Variants in CACNA1B observed in about 807,000 individuals in gnomAD.
CACNA1B encodes the protein calcium voltage-gated channel subunit alpha1 B.
A neutral mutation model predicts 247.2 loss-of-function variants in CACNA1B; 70 were observed. The observed-to-expected ratio is 0.28, with a 90% confidence interval of 0.23 to 0.35. The LOEUF (loss-of-function observed/expected upper bound fraction) is 0.35. Among genes scored for constraint, CACNA1B ranks in the 10% least tolerant of loss-of-function variants. The pLI, the probability that CACNA1B is intolerant of heterozygous loss-of-function variation, is 1.00. For missense variants in CACNA1B, 2,367 were observed against 3,197.4 expected, an observed-to-expected ratio of 0.74 and a Z score of 6.26; for synonymous variants, 1,231 against 1,294.4, an observed-to-expected ratio of 0.95 and a Z score of 1.05.
intron 20 of CACNA1B, among the ~76,000 whole-genome samples, chr9:138,043,386 G>T (rs1959151576): frequency 6.6e-6 from 1 of 152,176 alleles, no homozygotes; most frequent in South Asian, 2.1e-4. Flanking sequence ...ATCGGGGGCT[G>T]GCCCCTGCTC....
intron 3 of CACNA1B, among the ~76,000 whole-genome samples, chr9:137,885,359 G>T (rs1956995933): frequency 6.6e-6 from 1 of 152,228 alleles, no homozygotes; most frequent in Non-Finnish European, 1.5e-5. Flanking sequence ...CTGCTGTGCG[G>T]CGAGTGCTGG....
intron 6 of CACNA1B, among the ~76,000 whole-genome samples, chr9:137,921,912 C>A (rs575921411): frequency 7.0e-6 from 1 of 142,032 alleles, no homozygotes; most frequent in African/African-American, 2.7e-5. Context: ...CAGAGTAAAG[C>A]GTTCGGAGAA....
rs909764633 is a variant in CACNA1B at position 138,060,403 on chromosome 9, G to C, written c.4668+666G>C. Among the ~76,000 whole-genome samples the C allele has an allele frequency of 7.2e-5, 11 of 152,314 alleles. No individual in the cohort carries two copies. In the East Asian group the frequency reaches 1.7e-3, roughly 24 times the overall value. ...TAAGTTATGTTCCCAGTAGAAACCAGCAGAGGGGCATGGGGAAATGGGTGG... is the reference window on the plus strand; with the variant it reads ...TAAGTTATGTTCCCAGTAGAAACCACCAGAGGGGCATGGGGAAATGGGTGG... On this transcript the variant is annotated intron_variant, in intron 31 of 46. Transcript: ENST00000371372.
At chr9:138,071,799 C>T (rs1960142931) in intron 32 of CACNA1B, among the ~76,000 whole-genome samples, 1 of 152,082 alleles carries the variant, frequency 6.6e-6, no homozygotes. Flanking sequence ...TTGTCTGTGC[C>T]ACTGCCTGAC....
chr9:137,945,964 G>A lies in CACNA1B; in HGVS notation c.967-6310G>A, dbSNP rs530164287. ...CTCCCAAGTAACTGGGACAACAGGC[G>A]TGCATCACTGTGCCTGGCTAATTTT... On this transcript the variant is annotated intron_variant, in intron 6 of 46. Transcript: ENST00000371372. Among the ~76,000 whole-genome samples the A allele has an allele frequency of 1.7e-4, 26 of 152,168 alleles. No homozygotes were observed. The East Asian group carries it at 1.9e-3, about 11-fold the overall frequency.
chr9:137,888,005 T>G lies in CACNA1B; in HGVS notation c.530+5122T>G, dbSNP rs539997407. On this transcript the variant is annotated intron_variant, in intron 3 of 46. Coordinates refer to ENST00000371372, the MANE Select transcript of CACNA1B (RefSeq NM_000718.4). The surrounding 1 kb of genome is among the most constrained non-coding windows in gnomAD (Gnocchi z 4.7). ...TCCAGCAGGGGAGAGGCTGGGAGGG[T>G]GGCGGGGGCAGGGGGGCCTTGGCTC... Among the ~76,000 whole-genome samples, 3 of 145,856 alleles carry G rather than the reference T, an allele frequency of 2.1e-5. No individual in the cohort carries two copies. The highest frequency in any genetic ancestry group is 5.1e-5 in the African/African-American group (2 of 39,284).
chr9:138,040,885 T>A (rs1026970737), intron 20 of CACNA1B, among the ~76,000 whole-genome samples: 1 of 152,138 alleles, frequency 6.6e-6, no homozygotes, highest in African/African-American at 2.4e-5. Context: ...AAACATCACA[T>A]CCTCCTTTTC....
At chr9:138,000,330 C>A (rs1035791653) in intron 15 of CACNA1B, among the ~76,000 whole-genome samples, 2 of 152,006 alleles carry the variant, frequency 1.3e-5, no homozygotes, top group African/African-American at 4.8e-5. Flanking sequence ...GATCTCCTGA[C>A]CTCGTGATCA....
intron 21 of CACNA1B, 82 bp from the exon 22 acceptor site, chr9:138,046,822 G>A (rs1013932080): frequency 2.1e-5 from 29 of 1,372,588 alleles, no homozygotes; most frequent in Middle Eastern, 3.9e-4. Flanking sequence ...CCCTTTCTGC[G>A]GGACGGGCTG....
Position 138,121,182 on chromosome 9 carries a change from CCTGA to C in CACNA1B, c.6490-283_6490-280del, listed in dbSNP as rs1962082262. On this transcript the variant is annotated intron_variant, in intron 46 of 46. Coordinates refer to ENST00000371372, the MANE Select transcript of CACNA1B (RefSeq NM_000718.4). The surrounding 1 kb of genome is among the most constrained non-coding windows in gnomAD (Gnocchi z 6.8). ...TCTCTCGGTCACTTAACTCTCCTTC[CCTGA>C]CTGTGGTCGTTGGGCTTTTGTTCTG... Among the ~76,000 whole-genome samples, 1 of 152,164 alleles carries C rather than the reference CCTGA, an allele frequency of 6.6e-6. No homozygotes were observed. The highest frequency in any genetic ancestry group is 1.9e-4 in the East Asian group (1 of 5,168).
chr9:138,021,987 C>G (rs1411858618), intron 18 of CACNA1B, among the ~76,000 whole-genome samples: 1 of 152,206 alleles, frequency 6.6e-6, no homozygotes, highest in Admixed American at 6.5e-5. Context: ...AGACCTTATC[C>G]AAAGGTGGTC....
At chr9:137,883,674 GGGA>G (rs1373710996) in intron 3 of CACNA1B, among the ~76,000 whole-genome samples, 2 of 151,862 alleles carry the variant, frequency 1.3e-5, no homozygotes, top group Non-Finnish European at 2.9e-5. Context: ...GTGGTGGCTG[GGGA>G]GTGAGTGCTT....
Position 138,023,042 on chromosome 9 carries a change from G to A in CACNA1B, c.2299G>A (p.Val767Met). Residue 767 changes from valine to methionine, a missense_variant, in exon 19 of 47, where the codon GTG becomes ATG. Physicochemically the swap from Val to Met is conservative, Grantham distance 21. This residue lies in a region of CACNA1B where 631 missense variants were observed against 631.1 expected (regional missense o/e 1.00). Coordinates refer to ENST00000371372, the MANE Select transcript of CACNA1B (RefSeq NM_000718.4). ...GCAGAACTCGGCCAAGGCGCGCTCGGTGTGGGAGCAGCGGGCCAGCCAGCT... is the reference window on the plus strand; with the variant it reads ...GCAGAACTCGGCCAAGGCGCGCTCGATGTGGGAGCAGCGGGCCAGCCAGCT... ...RQQNSAKARSVWEQRASQLRL... is the reference protein window; with the variant it reads ...RQQNSAKARSMWEQRASQLRL... 6.5e-7 allele frequency: 1 copy of A among 1,527,136 alleles called. No homozygotes were observed. Among genetic ancestry groups the A allele is most frequent in the South Asian group, 1.2e-5 (1 of 83,378 alleles). The allele number at this position is 1,527,136 out of a possible 1,614,324, so 94.6% of individuals were successfully genotyped here.
At position 137,986,709 on chromosome 9, in the gene CACNA1B, C is replaced by A; in HGVS notation, c.1902-73C>A. The A allele has an allele frequency of 7.1e-7, 1 of 1,414,472 alleles. No individual in the cohort carries two copies. The highest frequency in any genetic ancestry group is 1.4e-5 in the African/African-American group (1 of 70,974). 87.6% of individuals were successfully genotyped at this position (1,414,472 alleles called of 1,614,324 possible). A position where few individuals can be genotyped will look rare whatever the true frequency, so the allele number is the denominator to read the frequency against. Reference sequence around the variant, plus strand: ...CAGCCTGAAGCGAGCAGGTTGAGGCCACGCTGGAGCCTGCAGGCGCTGCCT... The same window carrying A: ...CAGCCTGAAGCGAGCAGGTTGAGGCAACGCTGGAGCCTGCAGGCGCTGCCT... On this transcript the variant is annotated intron_variant, in intron 14 of 46. Coordinates refer to ENST00000371372, the MANE Select transcript of CACNA1B (RefSeq NM_000718.4). The surrounding 1 kb of genome is among the most constrained non-coding windows in gnomAD (Gnocchi z 6.0).
intron 36 of CACNA1B, among the ~76,000 whole-genome samples, chr9:138,086,076 G>C (rs963631303): frequency 2.6e-5 from 4 of 151,142 alleles, no homozygotes; most frequent in African/African-American, 9.8e-5. Context: ...AGGAAGAAAA[G>C]ATATACAAAA....
At chr9:138,110,076 G>A in intron 39 of CACNA1B, among the ~76,000 whole-genome samples, 1 of 151,026 alleles carries the variant, frequency 6.6e-6, no homozygotes, top group Non-Finnish European at 1.5e-5. Context: ...TCGATAAATT[G>A]AACTACAGCA....
chr9:138,060,815 C>T (rs139903412), intron 31 of CACNA1B, among the ~76,000 whole-genome samples: 241 of 152,298 alleles, frequency 1.6e-3, no homozygotes, highest in African/African-American at 5.2e-3. Flanking sequence ...GGAGACAGAG[C>T]GGAGCTCCGT....
intron 44 of CACNA1B, 76 bp from the exon 45 acceptor site, chr9:138,120,089 A>G: frequency 7.8e-7 from 1 of 1,277,092 alleles, no homozygotes; most frequent in Non-Finnish European, 1.1e-6. Flanking sequence ...GGCCTGCTCC[A>G]CCACCCACTT....
intron 31 of CACNA1B, chr9:138,068,727 C>T (rs1186953445): frequency 1.3e-5 from 6 of 471,332 alleles, no homozygotes; most frequent in East Asian, 6.1e-5. Flanking sequence ...CCAAGAGGGG[C>T]GGGAACTGCT....
Sources: allele counts gnomAD v4.1 joint callset (sites outside exome capture counted in the v4.1 genomes callset), GRCh38; gene constraint gnomAD v4.1.1; regional missense constraint gnomAD v4.1.1; non-coding constraint Gnocchi (gnomAD v3.1); transcripts MANE v1.5; gene names NCBI Gene and HGNC (gene_info 2026-07-23, HGNC 2026-07-21).